Variants in NLN observed in about 807,000 individuals in gnomAD.
NLN encodes neurolysin, also known as neurolysin, mitochondrial.
NLN carries 64 observed loss-of-function variants against 79.9 expected under a neutral mutation model. The ratio of observed to expected loss-of-function variants is 0.80; its 90% confidence interval spans 0.65 to 0.99. NLN has a LOEUF of 0.99. Ranked by LOEUF, NLN falls within the 50% of genes least tolerant of loss-of-function variation. The probability of loss-of-function intolerance (pLI) is 0.00; values close to 1 mark genes in which losing one functional copy is unlikely to be tolerated. For missense variants in NLN, 835 were observed against 858.7 expected (o/e 0.97, Z 0.34); for synonymous variants, 267 against 296.6 (o/e 0.90, Z 1.02).
At chr5:65,794,535 G>A (rs1022652791) in intron 9 of NLN, among the ~76,000 whole-genome samples, 20 of 152,110 alleles carry the variant, frequency 1.3e-4, no homozygotes, top group African/African-American at 7.2e-5. Flanking sequence ...AGCCCAGGAG[G>A]TCGAGGCTGC....
At chr5:65,768,703 G>A (rs1357451989) in intron 3 of NLN, among the ~76,000 whole-genome samples, 1 of 152,228 alleles carries the variant, frequency 6.6e-6, no homozygotes, top group Non-Finnish European at 1.5e-5. Context: ...TTCCTGGCTT[G>A]CAAATGGCCC....
intron 1 of NLN, among the ~76,000 whole-genome samples, chr5:65,726,096 A>G (rs1758462934): frequency 6.8e-6 from 1 of 146,886 alleles, no homozygotes; most frequent in African/African-American, 2.5e-5. Flanking sequence ...TGGGCGACAG[A>G]GCGAGACTCC....
rs538295195 is a variant in NLN at position 65,730,638 on chromosome 5, C to A, written c.41+8224C>A. ...ATGGCGCAATCTCAGCTCACTGCAACCTCCTCCTCCTGGGTTCAAGCAATT... is the reference window on the plus strand; with the variant it reads ...ATGGCGCAATCTCAGCTCACTGCAAACTCCTCCTCCTGGGTTCAAGCAATT... On this transcript the variant is annotated intron_variant, in intron 1 of 12. Transcript: ENST00000380985. 5.3e-5 allele frequency among the ~76,000 whole-genome samples: 8 copies of A among 151,742 alleles called. No homozygotes were observed. In the South Asian group the frequency reaches 1.2e-3, roughly 24 times the overall value.
chr5:65,816,177 G>A (rs1450025027), intron 12 of NLN, among the ~76,000 whole-genome samples: 1 of 151,900 alleles, frequency 6.6e-6, no homozygotes, highest in East Asian at 1.9e-4. Flanking sequence ...GGCAACAAGA[G>A]TGAAACTCAT....
chr5:65,754,576 C>G (rs1228058817), intron 1 of NLN, among the ~76,000 whole-genome samples: 2 of 152,140 alleles, frequency 1.3e-5, no homozygotes, highest in Non-Finnish European at 2.9e-5. Flanking sequence ...GGTAAATAAA[C>G]TCCTCCACTT....
intron 6 of NLN, among the ~76,000 whole-genome samples, chr5:65,784,969 A>T (rs1472236265): frequency 2.0e-5 from 3 of 152,166 alleles, no homozygotes; most frequent in Non-Finnish European, 4.4e-5. Flanking sequence ...AGCATACCTT[A>T]AAGGGTCATC....
chr5:65,776,586 T>C (rs1759683786), intron 3 of NLN, among the ~76,000 whole-genome samples: 1 of 152,218 alleles, frequency 6.6e-6, no homozygotes, highest in South Asian at 2.1e-4. Context: ...TTACACCTGC[T>C]GAATCTGTCC....
At chr5:65,741,621 A>G (rs962237937) in intron 1 of NLN, among the ~76,000 whole-genome samples, 1 of 152,222 alleles carries the variant, frequency 6.6e-6, no homozygotes, top group Non-Finnish European at 1.5e-5. Context: ...TGTGAAAAGT[A>G]TGCCCCAAAC....
chr5:65,804,859 T>C (rs528979583), intron 9 of NLN, among the ~76,000 whole-genome samples: 2 of 152,344 alleles, frequency 1.3e-5, no homozygotes, highest in South Asian at 4.1e-4. Flanking sequence ...GTGTCTGTTA[T>C]GGTGATCTGT....
chr5:65,779,091 G>A (rs1280091623), intron 4 of NLN, among the ~76,000 whole-genome samples: 5 of 152,108 alleles, frequency 3.3e-5, no homozygotes, highest in Admixed American at 6.5e-5. Flanking sequence ...GGAGAGTATC[G>A]GAAAACACCA....
intron 2 of NLN, 44 bp downstream of exon 2, chr5:65,758,870 A>ATCT: frequency 6.5e-7 from 1 of 1,537,674 alleles, no homozygotes; most frequent in Non-Finnish European, 8.9e-7. Flanking sequence ...CTTTGTGGAC[A>ATCT]TCTTAAATCA....
chr5:65,774,607 G>A (rs1301221120), intron 3 of NLN, among the ~76,000 whole-genome samples: 1 of 151,966 alleles, frequency 6.6e-6, no homozygotes, highest in Non-Finnish European at 1.5e-5. Flanking sequence ...CCCAAGACCT[G>A]TGTCTGCCTA....
rs539627168 is a variant in NLN at position 65,789,346 on chromosome 5, G to A, written c.1325+862G>A. ...GTAGTACCTGCTTTGTATGGTCACT[G>A]TAAGGATTAAATTGGTTGAATACAT... On this transcript the variant is annotated intron_variant, in intron 8 of 12. Coordinates refer to ENST00000380985, the MANE Select transcript of NLN (RefSeq NM_020726.5). Among the ~76,000 whole-genome samples, 21 of 152,324 alleles carry A rather than the reference G, an allele frequency of 1.4e-4. No homozygotes were observed. In the South Asian group the frequency reaches 3.7e-3, roughly 27 times the overall value.
At chr5:65,757,178 T>C (rs1414011058) in intron 1 of NLN, among the ~76,000 whole-genome samples, 3 of 152,216 alleles carry the variant, frequency 2.0e-5, no homozygotes, top group Non-Finnish European at 2.9e-5. Flanking sequence ...AAATATTAGC[T>C]GGGTGAATGA....
In NLN at chr5:65,785,928, T is replaced by C; in HGVS notation, c.958+18T>C. On this transcript the variant is annotated intron_variant, in intron 7 of 12. Coordinates refer to ENST00000380985, the MANE Select transcript of NLN (RefSeq NM_020726.5). ...CTTTCTAGGTTAGTTCTTTTTTTTT[T>C]TTCTATGACTGTTTTGCTATACCAT... 6.2e-7 allele frequency: 1 copy of C among 1,609,460 alleles called. No individual in the cohort carries two copies. Among genetic ancestry groups the C allele is most frequent in the Non-Finnish European group, 8.5e-7 (1 of 1,178,272 alleles).
chr5:65,777,476 A>G lies in NLN; in HGVS notation c.500A>G (p.Glu167Gly), dbSNP rs747579133. The G allele has an allele frequency of 5.0e-6, 8 of 1,613,564 alleles. No individual in the cohort carries two copies. The African/African-American group carries it at 1.1e-4, about 22-fold the overall frequency. Reference protein sequence around the residue: ...KIKPEARRYLEKSIKMGKRNG... With the variant: ...KIKPEARRYLGKSIKMGKRNG... ...AAACCTGAGGCCAGACGATACTTGGAAAAGTCAATTAAAATGGGGAAAAGA... is the reference window on the plus strand; with the variant it reads ...AAACCTGAGGCCAGACGATACTTGGGAAAGTCAATTAAAATGGGGAAAAGA... Residue 167 changes from glutamate (E) to glycine (G), a missense_variant, in exon 4 of 13, where the codon GAA (glutamate) becomes GGA (glycine). Transcript: ENST00000380985.
intron 9 of NLN, among the ~76,000 whole-genome samples, chr5:65,808,673 T>G (rs1326927554): frequency 6.6e-6 from 1 of 152,212 alleles, no homozygotes; most frequent in Non-Finnish European, 1.5e-5. Flanking sequence ...ACCTCTTTTG[T>G]TTTTTTAACT....
intron 3 of NLN, among the ~76,000 whole-genome samples, chr5:65,765,007 C>A (rs1759420633): frequency 6.6e-6 from 1 of 152,140 alleles, no homozygotes; most frequent in South Asian, 2.1e-4. Context: ...ACCTAAAGGG[C>A]AAAATCAGAT....
chr5:65,763,010 G>A lies in NLN; in HGVS notation c.352G>A (p.Val118Ile), dbSNP rs1380311674. Reference protein sequence around the residue: ...FPQHVSSDKEVRAASTEADKR... With the variant: ...FPQHVSSDKEIRAASTEADKR... ...CCAGCATGTATCCTCTGACAAAGAA[G>A]TACGAGCAGCAAGTACAGAAGCAGA... Residue 118 changes from valine (V) to isoleucine (I), a missense_variant, in exon 3 of 13, where the codon GTA becomes ATA. By Grantham distance (29) the Val-to-Ile change is conservative (BLOSUM62 3). Coordinates refer to ENST00000380985, the MANE Select transcript of NLN (RefSeq NM_020726.5). 6.2e-7 allele frequency: 1 copy of A among 1,614,042 alleles called. No homozygotes were observed. The highest frequency in any genetic ancestry group is 1.3e-5 in the African/African-American group (1 of 75,046).
Sources: allele counts gnomAD v4.1 joint callset (sites outside exome capture counted in the v4.1 genomes callset), GRCh38; gene constraint gnomAD v4.1.1; transcripts MANE v1.5; gene names NCBI Gene and HGNC (gene_info 2026-07-23, HGNC 2026-07-21).